Variants in FIGNL1 observed in about 807,000 individuals in gnomAD.
FIGNL1 encodes fidgetin-like protein 1.
FIGNL1 carries 11 observed loss-of-function variants against 28.9 expected under a neutral mutation model. That is an observed-to-expected ratio of 0.38 (90% CI 0.24 to 0.63). FIGNL1 has a LOEUF of 0.63. FIGNL1 is among the 20% of genes least tolerant of loss of function. FIGNL1 has a pLI of 0.57. For synonymous variants in FIGNL1, 295 were observed against 276.5 expected, an observed-to-expected ratio of 1.07 and a Z score of -0.66; for missense variants, 789 against 810.4, an observed-to-expected ratio of 0.97 and a Z score of 0.32.
rs1253893429 is a variant in FIGNL1, at chr7:50,445,291, C to T, written c.1997G>A (p.Trp666Ter). 1.9e-6 allele frequency: 3 copies of T among 1,576,122 alleles called. No individual in the cohort carries two copies. The highest frequency in any genetic ancestry group is 2.6e-6 in the Non-Finnish European group (3 of 1,162,210). ...CTTTCCACAACCAAAAGTTTTGTTC[C>T]AGTTTTCATAAAGCTCTAAATCTTT... ...SPKDLELYEN[W>*]NKTFGCGK Residue 666 changes from tryptophan (W) to a stop codon, truncating the protein, a stop_gained, in exon 4 of 4, where the codon TGG becomes TAG. Transcript: ENST00000433017. LOFTEE classifies it high-confidence loss of function.
In FIGNL1 at chr7:50,445,453, C is replaced by A; in HGVS notation, c.1835G>T (p.Cys612Phe). The change falls in exon 4 of 4, where the codon TGC (cysteine) becomes TTC (phenylalanine). Residue 612 changes from cysteine to phenylalanine, a missense_variant. Transcript: ENST00000433017. Reference protein sequence around the residue: ...AFSGADMTQLCREASLGPIRS... With the variant: ...AFSGADMTQLFREASLGPIRS... ...AATAGGACCAAGAGAAGCCTCCCTG[C>A]AAAGCTGTGTCATGTCTGCTCCTGA... 3.7e-6 allele frequency: 6 copies of A among 1,614,040 alleles called. No individual in the cohort carries two copies. The highest frequency in any genetic ancestry group is 4.2e-6 in the Non-Finnish European group (5 of 1,179,950).
Position 50,447,147 on chromosome 7 carries a change from G to A in FIGNL1, c.141C>T (p.Asn47=), listed in dbSNP as rs1224535144. 2.5e-6 allele frequency: 4 copies of A among 1,614,210 alleles called. No individual in the cohort carries two copies. Among genetic ancestry groups the A allele is most frequent in the Non-Finnish European group, 2.5e-6 (3 of 1,180,042 alleles). Residue 47 remains asparagine (N), a synonymous_variant, in exon 4 of 4, where the codon AAC becomes AAT. Coordinates refer to ENST00000433017, the MANE Select transcript of FIGNL1 (RefSeq NM_001287492.4). ...QILRIQYAWA[N]SEISQVCATK... is the part of the protein sequence containing the mutation. ...TAGCACAGACCTGGGAAATCTCAGA[G>A]TTTGCCCATGCATACTGAATGCGTA...
Position 50,447,279 on chromosome 7 carries a change from G to T in FIGNL1, c.9C>A (p.Thr3=). 1 of 1,578,802 alleles carries T rather than the reference G, an allele frequency of 6.3e-7. No homozygotes were observed. The highest frequency in any genetic ancestry group is 8.6e-7 in the Non-Finnish European group (1 of 1,158,926). MQ[T]SSSRSVHLSE... ...TCAGGTGCACAGATCTAGAGCTGGA[G>T]GTCTGCATTTTAGAGGTTCTATAAC... is the stretch of plus-strand genomic sequence containing the variant. Residue 3 remains threonine, a synonymous_variant, in exon 4 of 4, where the codon ACC becomes ACA. Coordinates refer to ENST00000433017, the MANE Select transcript of FIGNL1 (RefSeq NM_001287492.4).
rs1415012149 is a variant in FIGNL1, at chr7:50,446,273, T to G, written c.1015A>C (p.Lys339Gln). The G allele has an allele frequency of 3.1e-6, 5 of 1,614,044 alleles. No homozygotes were observed. The African/African-American group carries it at 6.7e-5, about 22-fold the overall frequency. The part of the protein sequence containing the change: ...GASRSRGILG[K>Q]FVPPIPKQDG... ...TGCTTGGGTATAGGAGGAACAAACT[T>G]TCCAAGTATCCCTCGGGATCTACTA... Residue 339 changes from lysine (K) to glutamine (Q), a missense_variant, in exon 4 of 4, where the codon AAG (lysine) becomes CAG (glutamine). Lys to Gln is a moderately conservative substitution (Grantham distance 53). Coordinates refer to ENST00000433017, the MANE Select transcript of FIGNL1 (RefSeq NM_001287492.4).
rs1033013249 is a variant in FIGNL1, at chr7:50,445,991, G to T, written c.1297C>A (p.Pro433Thr). 9 of 1,614,110 alleles carry T rather than the reference G, an allele frequency of 5.6e-6. No individual in the cohort carries two copies. Among genetic ancestry groups the T allele is most frequent in the Non-Finnish European group, 7.6e-6 (9 of 1,180,010 alleles). The change falls in exon 4 of 4, where the codon CCC becomes ACC. Residue 433 changes from proline to threonine, a missense_variant. Physicochemically the swap from Pro to Thr is conservative, Grantham distance 38. Transcript: ENST00000433017. ...CCAAAGAGCAAAATTCCTTTAGGGG[G>T]TCCCCTTAAACCAGTAAAGATGTCT... ...RPDIFTGLRGPPKGILLFGPP... is the reference protein window; with the variant it reads ...RPDIFTGLRGTPKGILLFGPP...
rs189665629 is a variant in FIGNL1 at position 50,446,287 on chromosome 7, C to T, written c.1001G>A (p.Arg334Gln). 4 of 1,614,162 alleles carry T rather than the reference C, an allele frequency of 2.5e-6. No individual in the cohort carries two copies. In the African/African-American group the frequency reaches 4.0e-5, roughly 16 times the overall value. ...VKKSLGASRS[R>Q]GILGKFVPPI... ...AGGAACAAACTTTCCAAGTATCCCT[C>T]GGGATCTACTAGCTCCTAGAGACTT... is the stretch of plus-strand genomic sequence containing the variant. Residue 334 changes from arginine (R) to glutamine (Q), a missense_variant, in exon 4 of 4, where the codon CGA (arginine) becomes CAA (glutamine). Physicochemically the swap from Arg to Gln is conservative, Grantham distance 43. Transcript: ENST00000433017.
Position 50,446,849 on chromosome 7 carries a change from CA to C in FIGNL1, c.438del (p.Phe146LeufsTer37). 6.2e-7 allele frequency: 1 copy of C among 1,614,114 alleles called. No homozygotes were observed. The highest frequency in any genetic ancestry group is 8.5e-7 in the Non-Finnish European group (1 of 1,180,030). On this transcript the variant is annotated frameshift_variant, in exon 4 of 4. Transcript: ENST00000433017. LOFTEE classifies it low-confidence loss of function (END_TRUNC). ...SVVIHKEATV[F>X]DLPKFSVCGS... ...CCACAAACACTAAATTTAGGAAGAT[CA>C]AAGACAGTGGCCTCCTTATGGATTA...
chr7:50,446,449 T>C lies in FIGNL1; in HGVS notation c.839A>G (p.Lys280Arg). Residue 280 changes from lysine (K) to arginine (R), a missense_variant, in exon 4 of 4, where the codon AAA (lysine) becomes AGA (arginine). Transcript: ENST00000433017. ...CTCCTTTGGGCCATTATCTTCTGTT[T>C]TACTACAAGCCTTATTCAGTATTGG... ...SNPILNKACS[K>R]TEDNGPKEDS... 1.2e-6 allele frequency: 2 copies of C among 1,614,196 alleles called. No individual in the cohort carries two copies. Among genetic ancestry groups the C allele is most frequent in the Non-Finnish European group, 1.7e-6 (2 of 1,180,034 alleles).
In FIGNL1 at chr7:50,446,101, G is replaced by A. The variant is rs767071453; in HGVS notation, c.1187C>T (p.Pro396Leu). 6.2e-7 allele frequency: 1 copy of A among 1,614,174 alleles called. No individual in the cohort carries two copies. Among genetic ancestry groups the A allele is most frequent in the South Asian group, 1.1e-5 (1 of 91,082 alleles). The change falls in exon 4 of 4, where the codon CCT becomes CTT. Residue 396 changes from proline (P) to leucine (L), a missense_variant. Coordinates refer to ENST00000433017, the MANE Select transcript of FIGNL1 (RefSeq NM_001287492.4). ...TGCAATATCTTCCCAATTTACTGGAGGTCCATGATCCATAATCTCATTCAT... is the reference window on the plus strand; with the variant it reads ...TGCAATATCTTCCCAATTTACTGGAAGTCCATGATCCATAATCTCATTCAT... Reference protein sequence around the residue: ...LIMNEIMDHGPPVNWEDIAGV... With the variant: ...LIMNEIMDHGLPVNWEDIAGV...
rs757763469 is a variant in FIGNL1, at chr7:50,445,857, C to T, written c.1431G>A (p.Glu477=). ...ASSLTSKWVG[E]GEKMVRALFA... is the part of the protein sequence containing the mutation. ...ACAATGCACGGACCATTTTCTCCCC[C>T]TCACCTACCCATTTAGAAGTTAAGG... Residue 477 remains glutamate, a synonymous_variant, in exon 4 of 4, where the codon GAG becomes GAA. Coordinates refer to ENST00000433017, the MANE Select transcript of FIGNL1 (RefSeq NM_001287492.4). The T allele has an allele frequency of 3.3e-5, 53 of 1,614,058 alleles. No individual in the cohort carries two copies. Among genetic ancestry groups the T allele is most frequent in the Non-Finnish European group, 4.5e-5 (53 of 1,180,052 alleles).
rs779587801 is a variant in FIGNL1, at chr7:50,445,741, G to T, written c.1547C>A (p.Ser516Tyr). 3.7e-6 allele frequency: 6 copies of T among 1,614,058 alleles called. No individual in the cohort carries two copies. The Admixed American group carries it at 1.0e-4, about 27-fold the overall frequency. Reference sequence around the variant, plus strand: ...AAATTCTGTTTTTATCCTTCTAGAAGATTCATGCTCACCATCTCCCCGTTG... The same window carrying T: ...AAATTCTGTTTTTATCCTTCTAGAATATTCATGCTCACCATCTCCCCGTTG... ...LSQRGDGEHE[S>Y]SRRIKTEFLV... is the part of the protein sequence containing the mutation. The change falls in exon 4 of 4, where the codon TCT (serine) becomes TAT (tyrosine). Residue 516 changes from serine to tyrosine, a missense_variant. Physicochemically the swap from Ser to Tyr is moderately radical, Grantham distance 144. Transcript: ENST00000433017.
At position 50,445,145 on chromosome 7, in the gene FIGNL1, T is replaced by C; in HGVS notation, c.*118A>G. On this transcript the variant is annotated 3_prime_UTR_variant, in exon 4 of 4. Coordinates refer to ENST00000433017, the MANE Select transcript of FIGNL1 (RefSeq NM_001287492.4). ...ATCAGATGTAAAATCTGTGCTATTA[T>C]TTGAAGTACAGAACTTAGAATATAT... 1.6e-6 allele frequency: 1 copy of C among 614,670 alleles called. No homozygotes were observed. The allele number at this position is 614,670 out of a possible 1,614,324, so 38.1% of individuals were successfully genotyped here.
chr7:50,448,936 CCT>C (rs1357124343), intron 2 of FIGNL1, 180 bp downstream of exon 2: 3 of 152,224 alleles, frequency 2.0e-5, no homozygotes, highest in Non-Finnish European at 4.4e-5. Context: ...AGCAGTTCAT[CCT>C]TTTTTTCACT....
chr7:50,447,051 C>A lies in FIGNL1; in HGVS notation c.237G>T (p.Leu79Phe). 1 of 1,614,248 alleles carries A rather than the reference C, an allele frequency of 6.2e-7. No individual in the cohort carries two copies. The highest frequency in any genetic ancestry group is 1.3e-5 in the African/African-American group (1 of 75,080). Reference protein sequence around the residue: ...IIDSDNVESGLNNYAENILTL... With the variant: ...IIDSDNVESGFNNYAENILTL... ...TTAAAATGTTTTCTGCATAATTATT[C>A]AACCCAGATTCAACATTGTCAGAAT... The change falls in exon 4 of 4, where the codon TTG becomes TTT. Residue 79 changes from leucine (L) to phenylalanine (F), a missense_variant. Coordinates refer to ENST00000433017, the MANE Select transcript of FIGNL1 (RefSeq NM_001287492.4).
At position 50,446,476 on chromosome 7, in the gene FIGNL1, T is replaced by C. The variant is rs113757480; in HGVS notation, c.812A>G (p.Asn271Ser). ...ACTACAAGCCTTATTCAGTATTGGATTGGAAAGTGCATCAATGGTGCCAGA... is the reference window on the plus strand; with the variant it reads ...ACTACAAGCCTTATTCAGTATTGGACTGGAAAGTGCATCAATGGTGCCAGA... ...YGSGTIDALSNPILNKACSKT... is the reference protein window; with the variant it reads ...YGSGTIDALSSPILNKACSKT... The change falls in exon 4 of 4, where the codon AAT becomes AGT. Residue 271 changes from asparagine to serine, a missense_variant. Physicochemically the swap from Asn to Ser is conservative, Grantham distance 46. Transcript: ENST00000433017. 6.8e-6 allele frequency: 11 copies of C among 1,614,234 alleles called. No individual in the cohort carries two copies. Among genetic ancestry groups the C allele is most frequent in the Non-Finnish European group, 8.5e-6 (10 of 1,180,042 alleles).
chr7:50,445,482 C>G lies in FIGNL1; in HGVS notation c.1806G>C (p.Ala602=). The change falls in exon 4 of 4, where the codon GCG becomes GCC. Residue 602 remains alanine (A), a synonymous_variant. Transcript: ENST00000433017. ...GCTGTGTCATGTCTGCTCCTGAAAA[C>G]GCATCAGACTGCTGTACAATCTGTT... The part of the protein sequence containing the change: ...EIEQIVQQSD[A]FSGADMTQLC... 1 of 1,614,068 alleles carries G rather than the reference C, an allele frequency of 6.2e-7. No homozygotes were observed. Among genetic ancestry groups the G allele is most frequent in the Non-Finnish European group, 8.5e-7 (1 of 1,179,974 alleles).
At chr7:50,448,141 CA>C (rs1821365482) in intron 3 of FIGNL1, 39 bp downstream of exon 3, 1 of 152,170 alleles carries the variant, frequency 6.6e-6, no homozygotes, top group South Asian at 2.1e-4. Context: ...CCTTATCACA[CA>C]AATGTACAAA....
At position 50,444,471 on chromosome 7, in the gene FIGNL1, AG is replaced by A. The variant is rs954615635; in HGVS notation, c.*791del. Reference sequence around the variant, plus strand: ...TAAATATTAATAGTGTGTCCCGCAAAGTGGTAGGATAATAGTGACTTTTATT... The same window carrying A: ...TAAATATTAATAGTGTGTCCCGCAAATGGTAGGATAATAGTGACTTTTATT... On this transcript the variant is annotated 3_prime_UTR_variant, in exon 4 of 4. Transcript: ENST00000433017. 6.6e-6 allele frequency: 1 copy of A among 152,236 alleles called. No homozygotes were observed. Among genetic ancestry groups the A allele is most frequent in the African/African-American group, 2.4e-5 (1 of 41,466 alleles). The allele number at this position is 152,236 out of a possible 1,614,324, so 9.4% of individuals were successfully genotyped here.
rs1820820853 is a variant in FIGNL1 at position 50,446,393 on chromosome 7, T to C, written c.895A>G (p.Lys299Glu). Residue 299 changes from lysine (K) to glutamate (E), a missense_variant, in exon 4 of 4, where the codon AAA becomes GAA. Lys to Glu is a moderately conservative substitution (Grantham distance 56). Coordinates refer to ENST00000433017, the MANE Select transcript of FIGNL1 (RefSeq NM_001287492.4). ...TGCTGATCTACCCATAATTGTTCTT[T>C]TGCAGTTTTAAATGTAGGCAGGCTG... The part of the protein sequence containing the change: ...DSSLPTFKTA[K>E]EQLWVDQQKK... 1 of 1,614,138 alleles carries C rather than the reference T, an allele frequency of 6.2e-7. No individual in the cohort carries two copies. Among genetic ancestry groups the C allele is most frequent in the Non-Finnish European group, 8.5e-7 (1 of 1,180,024 alleles).
Sources: allele counts gnomAD v4.1 joint callset, GRCh38; gene constraint gnomAD v4.1.1; transcripts MANE v1.5; gene names NCBI Gene and HGNC (gene_info 2026-07-23, HGNC 2026-07-21).